The following LRRC37A2 variants were observed in gnomAD, a reference collection of about 807,000 sequenced individuals.
LRRC37A2 encodes the protein leucine-rich repeat-containing protein 37A2.
LRRC37A2 carries 9 observed loss-of-function variants against 68.8 expected under a neutral mutation model. The observed-to-expected ratio is 0.13, with a 90% confidence interval of 0.08 to 0.23. LRRC37A2 has a LOEUF of 0.23. Ranked by LOEUF, LRRC37A2 falls within the 10% of genes least tolerant of loss-of-function variation. LRRC37A2 has a pLI of 1.00. For synonymous variants in LRRC37A2, 63 were observed against 367.6 expected, an observed-to-expected ratio of 0.17 and a Z score of 9.48; for missense variants, 168 against 950.4, an observed-to-expected ratio of 0.18 and a Z score of 10.82.
the LRRC37A2 span, among the ~76,000 whole-genome samples, chr17:46,945,160 A>G: frequency 4.6e-5 from 7 of 152,204 alleles, no homozygotes; most frequent in South Asian, 1.2e-3. Flanking sequence ...GAGGGGCAGG[A>G]GTGGCCTGGG....
At chr17:46,963,506 C>T in the LRRC37A2 span, among the ~76,000 whole-genome samples, 93 of 149,332 alleles carry the variant, frequency 6.2e-4, no homozygotes, top group Middle Eastern at 3.4e-3. Context: ...GATCACACCA[C>T]GCACTCCAGC....
At chr17:46,809,442 G>A in the LRRC37A2 span, among the ~76,000 whole-genome samples, 1 of 152,194 alleles carries the variant, frequency 6.6e-6, no homozygotes, top group Non-Finnish European at 1.5e-5. Context: ...AGACCTGGGT[G>A]CTTGGTCCTG....
the LRRC37A2 span, among the ~76,000 whole-genome samples, chr17:46,786,127 G>A: frequency 2.0e-5 from 3 of 149,634 alleles, no homozygotes; most frequent in East Asian, 2.0e-4. Flanking sequence ...AGGAGGGTGC[G>A]AGAGAGGGAT....
At chr17:46,899,390 G>T in the LRRC37A2 span, among the ~76,000 whole-genome samples, 1 of 152,082 alleles carries the variant, frequency 6.6e-6, no homozygotes, top group Non-Finnish European at 1.5e-5. Flanking sequence ...GGGTGACAGA[G>T]CGAGACCCTG....
chr17:46,687,131 C>T, the LRRC37A2 span, among the ~76,000 whole-genome samples: 1 of 48,380 alleles, frequency 2.1e-5, no homozygotes, highest in Non-Finnish European at 4.0e-5. Flanking sequence ...TTTTTATTCC[C>T]CCTTTTCTTC....
At chr17:46,763,609 T>C in the LRRC37A2 span, 2 of 152,122 alleles carry the variant, frequency 1.3e-5, no homozygotes, top group Non-Finnish European at 2.9e-5. Context: ...ATTTCAGGAA[T>C]TGATGGCTAC....
At chr17:46,982,531 C>A in the LRRC37A2 span, among the ~76,000 whole-genome samples, 2 of 152,338 alleles carry the variant, frequency 1.3e-5, no homozygotes, top group East Asian at 3.9e-4. Flanking sequence ...GCTGGACTGT[C>A]CCCTTGACAT....
the LRRC37A2 span, among the ~76,000 whole-genome samples, chr17:46,838,348 C>T: frequency 3.3e-5 from 5 of 151,432 alleles, no homozygotes; most frequent in Non-Finnish European, 5.9e-5. Flanking sequence ...AATCACAGGC[C>T]AGGTGTGGTG....
At chr17:46,900,184 T>C in the LRRC37A2 span, among the ~76,000 whole-genome samples, 198 of 122,182 alleles carry the variant, frequency 1.6e-3, 7 homozygotes, top group African/African-American at 7.3e-3. Flanking sequence ...TATATATATA[T>C]ATATATATAT....
At chr17:46,525,831 AG>A (rs2052677335) in intron 6 of LRRC37A2, among the ~76,000 whole-genome samples, 1 of 89,444 alleles carries the variant, frequency 1.1e-5, no homozygotes, top group Non-Finnish European at 2.3e-5. Context: ...CTTTGTCCCC[AG>A]GGGACTTTCA....
the LRRC37A2 span, among the ~76,000 whole-genome samples, chr17:46,569,184 G>A: frequency 6.6e-6 from 1 of 151,716 alleles, no homozygotes; most frequent in Non-Finnish European, 1.5e-5. Context: ...CTGACCTCAG[G>A]TGATCCACCA....
chr17:46,794,013 G>A, the LRRC37A2 span, among the ~76,000 whole-genome samples: 1 of 152,268 alleles, frequency 6.6e-6, no homozygotes, highest in Middle Eastern at 3.4e-3. Flanking sequence ...TAGGCACGAC[G>A]GGGACATAAC....
At chr17:46,765,883 G>A in the LRRC37A2 span, among the ~76,000 whole-genome samples, 5,878 of 152,308 alleles carry the variant, frequency 0.039, 400 homozygotes, top group African/African-American at 0.13. Flanking sequence ...AGGGCTCAGC[G>A]AGGCAGAAGA....
the LRRC37A2 span, among the ~76,000 whole-genome samples, chr17:46,625,879 T>TAA: frequency 5.5e-3 from 322 of 58,934 alleles, 6 homozygotes; most frequent in Non-Finnish European, 7.6e-3. Context: ...CCACATGTAT[T>TAA]AAAAAAAAAA....
At chr17:46,819,406 T>G in the LRRC37A2 span, among the ~76,000 whole-genome samples, 1 of 152,062 alleles carries the variant, frequency 6.6e-6, no homozygotes, top group Non-Finnish European at 1.5e-5. This position sits in a 1 kb window ranked among gnomAD's most constrained non-coding sequence, Gnocchi z 5.3. Flanking sequence ...GCCTTTGCAT[T>G]TCCTGCAACT....
At chr17:46,497,622 C>G in the LRRC37A2 span, among the ~76,000 whole-genome samples, 805 of 150,172 alleles carry the variant, frequency 5.4e-3, 1 homozygote, top group Non-Finnish European at 8.6e-3. Flanking sequence ...GTGTATATAT[C>G]TATATACACT....
chr17:46,742,307 G>A, the LRRC37A2 span, among the ~76,000 whole-genome samples: 3 of 152,144 alleles, frequency 2.0e-5, no homozygotes, highest in African/African-American at 4.8e-5. Flanking sequence ...TTAATATAAT[G>A]TGCATTTTTC....
At chr17:46,929,546 T>C in the LRRC37A2 span, 9 of 1,568,836 alleles carry the variant, frequency 5.7e-6, no homozygotes, top group Non-Finnish European at 7.9e-6. Flanking sequence ...CAGTCTTGCA[T>C]GGGACGCCTG....
At chr17:47,005,938 CCTG>C in the LRRC37A2 span, among the ~76,000 whole-genome samples, 1 of 152,194 alleles carries the variant, frequency 6.6e-6, no homozygotes. Context: ...GTTTTAGAAA[CCTG>C]CTATTTAAAA....
Sources: gnomAD v4.1 joint callset for allele counts (sites outside exome capture counted in the v4.1 genomes callset) on GRCh38, gnomAD v4.1.1 for gene constraint, Gnocchi (gnomAD v3.1) non-coding constraint, MANE v1.5 for transcripts, NCBI Gene and HGNC (gene_info 2026-07-23, HGNC 2026-07-21) for gene names.